RPS3: variants seen among roughly 807,000 people sequenced by gnomAD.
The protein encoded by RPS3 is ribosomal protein S3.
A neutral mutation model predicts 25.8 loss-of-function variants in RPS3; 2 were observed. The observed-to-expected ratio is 0.08, with a 90% CI of 0.03 to 0.24. The LOEUF is 0.24. Among genes scored for constraint, RPS3 ranks in the 10% least tolerant of loss-of-function variants. The probability of loss-of-function intolerance (pLI) is 1.00; values close to 1 mark genes in which losing one functional copy is unlikely to be tolerated. For missense variants in RPS3, 107 were observed against 307.1 expected (o/e 0.35, Z 4.87); for synonymous variants, 114 against 114.2 (o/e 1.00, Z 0.01).
chr11:75,409,747 T>C (rs1354740597), downstream of RPS3, among the ~76,000 whole-genome samples: 1 of 150,166 alleles, frequency 6.7e-6, no homozygotes, highest in Non-Finnish European at 1.5e-5. Context: ...GCTCCTCACT[T>C]CCCAGTAGGG....
At chr11:75,413,226 T>C (rs1948371264) in intron 6 of RPS3, among the ~76,000 whole-genome samples, 1 of 130,602 alleles carries the variant, frequency 7.7e-6, no homozygotes. Flanking sequence ...TGTATATATG[T>C]GTGTGTGTGT....
chr11:75,410,072 C>A (rs1948332846), downstream of RPS3, among the ~76,000 whole-genome samples: 1 of 127,666 alleles, frequency 7.8e-6, no homozygotes, highest in South Asian at 2.5e-4. Context: ...GGGGGGCTGA[C>A]CCCCCCCTCC....
intron 6 of RPS3, among the ~76,000 whole-genome samples, chr11:75,413,323 C>T (rs1015354689): frequency 6.6e-6 from 1 of 152,080 alleles, no homozygotes; most frequent in Non-Finnish European, 1.5e-5. Flanking sequence ...TCACTGCGAT[C>T]TCAGCTCACT....
At chr11:75,409,898 G>A (rs1279411754), downstream of RPS3, among the ~76,000 whole-genome samples, 5 of 148,298 alleles carry the variant, frequency 3.4e-5, no homozygotes, top group South Asian at 4.2e-4. Context: ...CCGGGCAGAG[G>A]CGCCCCTCAC....
chr11:75,415,095 A>G (rs1325654197), intron 6 of RPS3, among the ~76,000 whole-genome samples: 3 of 152,226 alleles, frequency 2.0e-5, no homozygotes, highest in East Asian at 1.9e-4. Flanking sequence ...AGCAAAGGCT[A>G]TGAGTATCTC....
chr11:75,419,680 T>C lies in RPS3; in HGVS notation c.*4-2047T>C, dbSNP rs188632958. On this transcript the variant is annotated intron_variant, in intron 6 of 6. Transcript: ENST00000527446. The stretch of plus-strand genomic sequence containing the variant: ...ATGGAGTCTCCCTCTCTAGCCCAGG[T>C]TGGAGTATAGTGACACAACCTAGGC... Among the ~76,000 whole-genome samples the C allele has an allele frequency of 1.2e-3, 176 of 152,230 alleles. 4 individuals carry two copies. The highest frequency in any genetic ancestry group is 3.9e-3 in the African/African-American group (161 of 41,546).
At position 75,405,891 on chromosome 11, in the gene RPS3, C is replaced by A; in HGVS notation, c.*281C>A. On this transcript the variant is annotated 3_prime_UTR_variant, in exon 7 of 7. Transcript: ENST00000531188. ...CAAGGCAGCACCTTGATTCGTTGTC[C>A]TGTAGTTCAGGATTGTAGGTTTAGA... is the stretch of plus-strand genomic sequence containing the variant. The A allele has an allele frequency of 4.0e-6, 1 of 246,960 alleles. No homozygotes were observed. Among genetic ancestry groups the A allele is most frequent in the Non-Finnish European group, 8.2e-6 (1 of 122,082 alleles). The allele number at this position is 246,960 out of a possible 1,614,324, so 15.3% of individuals were successfully genotyped here.
In RPS3 at chr11:75,404,754, C is replaced by T. The variant is rs560757181; in HGVS notation, c.621C>T (p.His207=). ...KIGPKKPLPD[H]VSIVEPKDEI... ...GCCCTAAGAAGCCCCTGCCTGACCA[C>T]GTGAGCATTGTGGAACCCAAAGATG... The change falls in exon 6 of 7, where the codon CAC becomes CAT. Residue 207 remains histidine (H), a synonymous_variant. Coordinates refer to ENST00000531188, the MANE Select transcript of RPS3 (RefSeq NM_001005.5). The surrounding 1 kb of genome is among the most constrained non-coding windows in gnomAD (Gnocchi z 4.6). 3.9e-5 allele frequency: 63 copies of T among 1,613,518 alleles called. No homozygotes were observed. In the Admixed American group the frequency reaches 4.0e-4, roughly 10 times the overall value.
intron 6 of RPS3, among the ~76,000 whole-genome samples, chr11:75,419,639 A>T (rs944987811): frequency 2.0e-5 from 3 of 151,846 alleles, no homozygotes; most frequent in Non-Finnish European, 4.4e-5. Flanking sequence ...TTTTATTTTT[A>T]TTTTTTATTT....
At chr11:75,400,038 A>G (rs575780370) in intron 1 of RPS3, among the ~76,000 whole-genome samples, 130 of 152,328 alleles carry the variant, frequency 8.5e-4, no homozygotes, top group African/African-American at 3.1e-3. Context: ...GGACCCCGGG[A>G]GGAAGCTGCC....
rs1948294935 is a variant in RPS3 at position 75,406,869 on chromosome 11, G to A, written c.*1259G>A. The A allele has an allele frequency of 6.6e-6, 1 of 152,196 alleles. No individual in the cohort carries two copies. The highest frequency in any genetic ancestry group is 2.1e-4 in the South Asian group (1 of 4,834). The allele number at this position is 152,196 out of a possible 1,614,324, so 9.4% of individuals were successfully genotyped here. A position where few individuals can be genotyped will look rare whatever the true frequency, so the allele number is the denominator to read the frequency against. On this transcript the variant is annotated 3_prime_UTR_variant, in exon 7 of 7. Coordinates refer to ENST00000531188, the MANE Select transcript of RPS3 (RefSeq NM_001005.5). ...TGCAGTTGTAACAGCTATGTAGCAT[G>A]TACATTAGGTATTAAAAGTAATCCA...
At chr11:75,403,598 T>C (rs1196896128) in intron 4 of RPS3, 1 of 154,812 alleles carries the variant, frequency 6.5e-6, no homozygotes, top group Non-Finnish European at 1.4e-5. Flanking sequence ...GGTTGCAGAG[T>C]ATTTCAAGGG....
intron 2 of RPS3, 90 bp downstream of exon 2, chr11:75,400,914 G>C: frequency 7.0e-7 from 1 of 1,437,966 alleles, no homozygotes; most frequent in Non-Finnish European, 9.2e-7. Context: ...ACGGAGTCTT[G>C]CTCTGTCCCC....
chr11:75,412,227 G>T (rs910798845), intron 6 of RPS3, among the ~76,000 whole-genome samples: 4 of 152,198 alleles, frequency 2.6e-5, no homozygotes, highest in Non-Finnish European at 5.9e-5. Context: ...GGCTCTTGCT[G>T]TTGTGGACTG....
chr11:75,400,129 G>A (rs17133945), intron 1 of RPS3, among the ~76,000 whole-genome samples: 3,345 of 152,290 alleles, frequency 0.022, 113 homozygotes, highest in African/African-American at 0.076. Context: ...TTGTCATTTC[G>A]TATATACACT....
downstream of RPS3, among the ~76,000 whole-genome samples, chr11:75,410,492 C>T (rs1379005321): frequency 6.6e-6 from 1 of 151,504 alleles, no homozygotes; most frequent in African/African-American, 2.4e-5. Context: ...AGAGACGCTC[C>T]TCACTTTCCA....
intron 6 of RPS3, among the ~76,000 whole-genome samples, chr11:75,414,847 A>C (rs937368177): frequency 6.6e-6 from 1 of 152,134 alleles, no homozygotes; most frequent in African/African-American, 2.4e-5. Flanking sequence ...GAACCAGGAG[A>C]AGCACAATGT....
At chr11:75,410,409 C>T (rs1362283675), downstream of RPS3, among the ~76,000 whole-genome samples, 6 of 151,784 alleles carry the variant, frequency 4.0e-5, no homozygotes, top group Non-Finnish European at 5.9e-5. Flanking sequence ...GGCAGAGACG[C>T]TGCTCACTTC....
chr11:75,402,330 A>T (rs370272831), intron 3 of RPS3, 22 bp from the exon 4 acceptor site: 2 of 1,612,344 alleles, frequency 1.2e-6, no homozygotes, highest in African/African-American at 2.7e-5. Flanking sequence ...TGGTAACAGG[A>T]TATCCCTTGC....
Sources: allele counts gnomAD v4.1 joint callset (sites outside exome capture counted in the v4.1 genomes callset), GRCh38; gene constraint gnomAD v4.1.1; non-coding constraint Gnocchi (gnomAD v3.1); transcripts MANE v1.5; gene names NCBI Gene and HGNC (gene_info 2026-07-23, HGNC 2026-07-21).